PDGFC: variants seen among roughly 807,000 people sequenced by gnomAD.
The protein encoded by PDGFC is platelet-derived growth factor C.
Under a neutral mutation model 35.5 loss-of-function variants are expected in PDGFC, and 12 were observed. The observed-to-expected ratio is 0.34, with a 90% CI of 0.22 to 0.55. The LOEUF is 0.55. Among genes scored for constraint, PDGFC ranks in the 20% least tolerant of loss-of-function variants. The pLI is 0.91. For synonymous variants in PDGFC, 159 were observed against 148.8 expected (o/e 1.07, Z -0.50); for missense variants, 322 against 412.4 (o/e 0.78, Z 1.90).
At chr4:156,780,116 T>TTTG (rs1420679614) in intron 3 of PDGFC, among the ~76,000 whole-genome samples, 1 of 151,702 alleles carries the variant, frequency 6.6e-6, no homozygotes, top group South Asian at 2.1e-4. Flanking sequence ...GGTTTTTTTT[T>TTTG]TTTTTTTTTT....
At chr4:156,765,230 T>C (rs528076182) in intron 5 of PDGFC, among the ~76,000 whole-genome samples, 10 of 152,070 alleles carry the variant, frequency 6.6e-5, no homozygotes, top group Non-Finnish European at 1.3e-4. Context: ...TGGAGAAAAA[T>C]AGACTTGGAA....
intron 2 of PDGFC, among the ~76,000 whole-genome samples, chr4:156,842,882 T>C (rs1729237865): frequency 6.6e-6 from 1 of 152,216 alleles, no homozygotes; most frequent in South Asian, 2.1e-4. Context: ...CAAGGCCCAA[T>C]ATACATTACA....
At position 156,971,212 on chromosome 4, in the gene PDGFC, A is replaced by AGCG; in HGVS notation, c.-310_-309insCGC. 4.5e-5 allele frequency: 1 copy of AGCG among 22,460 alleles called. No homozygotes were observed. Among genetic ancestry groups the AGCG allele is most frequent in the Non-Finnish European group, 7.7e-5 (1 of 12,938 alleles). The allele number at this position is 22,460 out of a possible 1,614,324, so 1.4% of individuals were successfully genotyped here. A position where few individuals can be genotyped will look rare whatever the true frequency, so the allele number is the denominator to read the frequency against. On this transcript the variant is annotated 5_prime_UTR_variant, in exon 1 of 6. Coordinates refer to ENST00000502773, the MANE Select transcript of PDGFC (RefSeq NM_016205.3). ...TGGGGGTGAAGGCGAGGGAGGAATG[A>AGCG]GGGGGTGGGGACGCGGGGGAGCGGC...
At chr4:156,865,213 CGCAGATACAA>C (rs1729810558) in intron 1 of PDGFC, among the ~76,000 whole-genome samples, 1 of 151,644 alleles carries the variant, frequency 6.6e-6, no homozygotes, top group Non-Finnish European at 1.5e-5. Context: ...CACACACACA[CGCAGATACAA>C]ACACATACAC....
At chr4:156,814,609 C>G (rs560181903) in intron 2 of PDGFC, among the ~76,000 whole-genome samples, 3 of 152,192 alleles carry the variant, frequency 2.0e-5, no homozygotes, top group African/African-American at 7.2e-5. Context: ...ATAAAAAAAG[C>G]ATCCTAAAGA....
intron 3 of PDGFC, among the ~76,000 whole-genome samples, chr4:156,778,606 C>A (rs1253705362): frequency 6.6e-6 from 1 of 152,148 alleles, no homozygotes. Context: ...AAAAGAAAAG[C>A]TGACTTCCTG....
At chr4:156,854,302 A>G (rs1729522939) in intron 1 of PDGFC, among the ~76,000 whole-genome samples, 6 of 152,200 alleles carry the variant, frequency 3.9e-5, no homozygotes, top group Admixed American at 3.3e-4. Flanking sequence ...CTACATAGCT[A>G]TTAAAAGATC....
At chr4:156,859,131 TTC>T (rs1729649691) in intron 1 of PDGFC, among the ~76,000 whole-genome samples, 1 of 152,100 alleles carries the variant, frequency 6.6e-6, no homozygotes, top group Non-Finnish European at 1.5e-5. Context: ...ATACTTAAAA[TTC>T]TCTTTTTAAG....
intron 1 of PDGFC, among the ~76,000 whole-genome samples, chr4:156,877,236 A>G (rs1730136504): frequency 1.3e-5 from 2 of 152,040 alleles, no homozygotes; most frequent in South Asian, 4.1e-4. Flanking sequence ...GACCTGAAGC[A>G]TTTATCCTTT....
intron 1 of PDGFC, among the ~76,000 whole-genome samples, chr4:156,916,118 TATAA>T (rs1206149176): frequency 3.3e-5 from 5 of 152,098 alleles, no homozygotes; most frequent in Non-Finnish European, 7.4e-5. Flanking sequence ...ATATCCTAAT[TATAA>T]ACCTCCTTTC....
In PDGFC at chr4:156,764,023, G is replaced by A. The variant is rs148837628; in HGVS notation, c.922-817C>T. 6.1e-3 allele frequency among the ~76,000 whole-genome samples: 935 copies of A among 152,278 alleles called. 4 individuals are homozygous for A. Among genetic ancestry groups the A allele is most frequent in the Non-Finnish European group, 9.8e-3 (666 of 68,012 alleles). ...GTATTTGGTGTTGCTACCTATTTAA[G>A]TGTATTACATTTTATTTCTTATGAT... is the stretch of plus-strand genomic sequence containing the variant. On this transcript the variant is annotated intron_variant, in intron 5 of 5. Transcript: ENST00000502773.
At chr4:156,796,580 T>C (rs1419696957) in intron 3 of PDGFC, among the ~76,000 whole-genome samples, 2 of 151,158 alleles carry the variant, frequency 1.3e-5, no homozygotes, top group African/African-American at 4.9e-5. Flanking sequence ...TCAAGCAATA[T>C]TGGTTGGGAG....
At chr4:156,776,264 TTA>T (rs1388340956) in intron 3 of PDGFC, among the ~76,000 whole-genome samples, 9 of 152,340 alleles carry the variant, frequency 5.9e-5, no homozygotes, top group African/African-American at 1.9e-4. Flanking sequence ...TTAAAAACAC[TTA>T]TGATTGGGCT....
intron 2 of PDGFC, among the ~76,000 whole-genome samples, chr4:156,843,962 A>T (rs1352691645): frequency 6.6e-6 from 1 of 152,170 alleles, no homozygotes; most frequent in Non-Finnish European, 1.5e-5. Flanking sequence ...TCCTGTCCTC[A>T]AAATCCTTGC....
intron 1 of PDGFC, among the ~76,000 whole-genome samples, chr4:156,905,781 TA>T (rs143497106): frequency 0.017 from 2,595 of 152,164 alleles, 79 homozygotes; most frequent in African/African-American, 0.059. Context: ...TTAATTACAT[TA>T]GAAAGATTAT....
In PDGFC at chr4:156,789,642, A is replaced by C. The variant is rs1731234115; in HGVS notation, c.496-16749T>G. On this transcript the variant is annotated intron_variant, in intron 3 of 5. Transcript: ENST00000502773. ...AAACTAAAGAAGCTGAGGATATATAATCTGAAGAAGTAAAGACTTTATGAG... is the reference window on the plus strand; with the variant it reads ...AAACTAAAGAAGCTGAGGATATATACTCTGAAGAAGTAAAGACTTTATGAG... Among the ~76,000 whole-genome samples the C allele has an allele frequency of 3.3e-5, 5 of 152,306 alleles. No individual in the cohort carries two copies. The East Asian group carries it at 9.7e-4, about 29-fold the overall frequency.
intron 2 of PDGFC, among the ~76,000 whole-genome samples, chr4:156,829,744 G>T (rs1363341461): frequency 6.6e-6 from 1 of 151,782 alleles, no homozygotes; most frequent in East Asian, 1.9e-4. Context: ...AGAAGAGGTA[G>T]GATAGCTTTT....
At chr4:156,857,627 C>T (rs375172056) in intron 1 of PDGFC, among the ~76,000 whole-genome samples, 5 of 152,054 alleles carry the variant, frequency 3.3e-5, no homozygotes, top group Admixed American at 2.6e-4. Flanking sequence ...GTTAATATAG[C>T]GAGCATCTTC....
intron 1 of PDGFC, among the ~76,000 whole-genome samples, chr4:156,912,086 T>C (rs1290554294): frequency 1.3e-5 from 2 of 152,122 alleles, no homozygotes; most frequent in African/African-American, 4.8e-5. Flanking sequence ...CGAGAGCAAA[T>C]TTAGTTTAGA....
Sources: allele counts gnomAD v4.1 joint callset (sites outside exome capture counted in the v4.1 genomes callset), GRCh38; gene constraint gnomAD v4.1.1; transcripts MANE v1.5; gene names NCBI Gene and HGNC (gene_info 2026-07-23, HGNC 2026-07-21).